Variants in COL9A1 observed in about 807,000 individuals in gnomAD.
COL9A1 encodes collagen type IX alpha 1 chain.
COL9A1 carries 104 observed loss-of-function variants against 142.6 expected under a neutral mutation model. The ratio of observed to expected loss-of-function variants is 0.73; its 90% CI spans 0.62 to 0.86. The LOEUF (loss-of-function observed/expected upper bound fraction) is 0.86. Ranked by LOEUF, COL9A1 falls within the 40% of genes least tolerant of loss-of-function variation. COL9A1 has a pLI of 0.00. For synonymous variants in COL9A1, 466 were observed against 396.0 expected (o/e 1.18, Z -2.10); for missense variants, 1,210 against 1,176.6 (o/e 1.03, Z -0.42).
chr6:70,254,798 C>G, intron 24 of COL9A1, 165 bp downstream of exon 24: 1 of 747,944 alleles, frequency 1.3e-6, no homozygotes, highest in East Asian at 2.7e-5. Flanking sequence ...TTATACTATT[C>G]TAGTAAGTAT....
chr6:70,219,406 A>G (rs1447743615), intron 37 of COL9A1, among the ~76,000 whole-genome samples: 1 of 152,212 alleles, frequency 6.6e-6, no homozygotes, highest in Non-Finnish European at 1.5e-5. Context: ...ATTTGTTTAC[A>G]TATTGTCTGT....
At chr6:70,301,648 C>T (rs1774068395) in intron 2 of COL9A1, among the ~76,000 whole-genome samples, 1 of 152,128 alleles carries the variant, frequency 6.6e-6, no homozygotes, top group African/African-American at 2.4e-5. Context: ...GCTCTTTATA[C>T]TCTCCTCACC....
chr6:70,234,098 G>A (rs1769731590), intron 35 of COL9A1, among the ~76,000 whole-genome samples: 1 of 152,176 alleles, frequency 6.6e-6, no homozygotes, highest in Non-Finnish European at 1.5e-5. Flanking sequence ...ATGTCCTTAT[G>A]CTTCCTATGG....
chr6:70,282,044 G>T (rs1773198267), intron 7 of COL9A1, among the ~76,000 whole-genome samples: 1 of 152,098 alleles, frequency 6.6e-6, no homozygotes, highest in Non-Finnish European at 1.5e-5. Context: ...CTTGAATTAG[G>T]TCTTTGCATC....
intron 15 of COL9A1, among the ~76,000 whole-genome samples, 157 bp downstream of exon 15, chr6:70,270,157 A>T (rs1772300946): frequency 6.6e-6 from 1 of 152,220 alleles, no homozygotes; most frequent in Non-Finnish European, 1.5e-5. Flanking sequence ...TCTTGCCCTA[A>T]ACAGAACCAT....
intron 36 of COL9A1, 34 bp from the exon 37 acceptor site, chr6:70,226,043 A>C (rs1318140045): frequency 3.2e-6 from 5 of 1,546,664 alleles, no homozygotes; most frequent in Non-Finnish European, 4.5e-6. Flanking sequence ...ATTTTTCTAC[A>C]TATCTATAAA....
At chr6:70,251,054 A>G (rs1770904213) in intron 28 of COL9A1, among the ~76,000 whole-genome samples, 1 of 152,226 alleles carries the variant, frequency 6.6e-6, no homozygotes, top group South Asian at 2.1e-4. Flanking sequence ...AGCACTTTTC[A>G]TAACGGCCAA....
At chr6:70,217,208 A>G in intron 37 of COL9A1, 127 bp from the exon 38 acceptor site, 2 of 795,096 alleles carry the variant, frequency 2.5e-6, no homozygotes, top group Non-Finnish European at 4.3e-6. Context: ...ATGGATGATG[A>G]CTGGTGATGA....
In COL9A1 at chr6:70,300,177, T is replaced by C; in HGVS notation, c.167-2A>G. On this transcript the variant is annotated splice_acceptor_variant, in intron 3 of 37. Transcript: ENST00000357250. LOFTEE classifies it high-confidence loss of function. Reference sequence around the variant, plus strand: ...GGAACTGAGAGATCAGATCAAACCCTATAGAATGGGAATACAAAATGAAAA... The same window carrying C: ...GGAACTGAGAGATCAGATCAAACCCCATAGAATGGGAATACAAAATGAAAA... 1 of 1,613,780 alleles carries C rather than the reference T, an allele frequency of 6.2e-7. No homozygotes were observed. The highest frequency in any genetic ancestry group is 8.5e-7 in the Non-Finnish European group (1 of 1,179,880).
At chr6:70,283,882 G>T in intron 5 of COL9A1, 62 bp from the exon 6 acceptor site, 1 of 1,154,484 alleles carries the variant, frequency 8.7e-7, no homozygotes, top group Non-Finnish European at 1.3e-6. Flanking sequence ...GGTCATTCAA[G>T]AGAGAGATGA....
intron 33 of COL9A1, among the ~76,000 whole-genome samples, chr6:70,236,376 C>G: frequency 6.6e-6 from 1 of 152,054 alleles, no homozygotes; most frequent in East Asian, 1.9e-4. Flanking sequence ...TGTTAAATTC[C>G]TCTGGTAAAA....
chr6:70,279,655 A>AAAAAAAAC (rs1289172116), intron 10 of COL9A1: 2 of 165,522 alleles, frequency 1.2e-5, no homozygotes, highest in African/African-American at 4.8e-5. Context: ...TCTCAAAAAA[A>AAAAAAAAC]AAAAAAAAAA....
rs1353564228 is a variant in COL9A1, at chr6:70,253,299, T to C, written c.1764+86A>G. The C allele has an allele frequency of 7.5e-6, 7 of 938,310 alleles. No homozygotes were observed. The Admixed American group carries it at 1.4e-4, about 19-fold the overall frequency. 58.1% of individuals were successfully genotyped at this position (938,310 alleles called of 1,614,324 possible). A position where few individuals can be genotyped will look rare whatever the true frequency, so the allele number is the denominator to read the frequency against. On this transcript the variant is annotated intron_variant, in intron 26 of 37. Transcript: ENST00000357250. Reference sequence around the variant, plus strand: ...AGGGCCAAATATAAAATAAAACACATGCTGAAAATATTAAAAATTACAAAT... The same window carrying C: ...AGGGCCAAATATAAAATAAAACACACGCTGAAAATATTAAAAATTACAAAT...
chr6:70,296,929 A>T (rs1039035264), intron 4 of COL9A1, among the ~76,000 whole-genome samples: 2 of 152,124 alleles, frequency 1.3e-5, no homozygotes, highest in African/African-American at 4.8e-5. Flanking sequence ...TTCCTTAAGC[A>T]TTATTTTTCC....
chr6:70,222,942 G>C (rs547106137), intron 37 of COL9A1: 10 of 152,176 alleles, frequency 6.6e-5, no homozygotes, highest in African/African-American at 2.4e-4. Flanking sequence ...TTATGTTTTT[G>C]AGAGATCAGA....
intron 36 of COL9A1, among the ~76,000 whole-genome samples, chr6:70,229,981 T>A (rs1769450288): frequency 6.6e-6 from 1 of 152,202 alleles, no homozygotes; most frequent in Non-Finnish European, 1.5e-5. Flanking sequence ...AAAACTTGTT[T>A]GTTATTTATG....
chr6:70,222,472 C>T (rs1768940841), intron 37 of COL9A1, among the ~76,000 whole-genome samples: 1 of 152,198 alleles, frequency 6.6e-6, no homozygotes, highest in Non-Finnish European at 1.5e-5. Context: ...ACTTTTTAAA[C>T]AACAAAGCAC....
At chr6:70,265,076 C>A (rs1442029988) in intron 18 of COL9A1, among the ~76,000 whole-genome samples, 2 of 151,996 alleles carry the variant, frequency 1.3e-5, no homozygotes, top group Non-Finnish European at 2.9e-5. Flanking sequence ...TAAAATAAAT[C>A]AAAGAAATTT....
Position 70,263,717 on chromosome 6 carries a change from T to C in COL9A1, c.1342-420A>G, listed in dbSNP as rs150554393. On this transcript the variant is annotated intron_variant, in intron 18 of 37. Coordinates refer to ENST00000357250, the MANE Select transcript of COL9A1 (RefSeq NM_001851.6). Reference sequence around the variant, plus strand: ...TGTAATTATACTATGAAAACTTTTTTGTAAGCTACAATATTTTTCATCGTG... The same window carrying C: ...TGTAATTATACTATGAAAACTTTTTCGTAAGCTACAATATTTTTCATCGTG... 3.1e-3 allele frequency among the ~76,000 whole-genome samples: 471 copies of C among 152,072 alleles called. 1 individual carries two copies. Among genetic ancestry groups the C allele is most frequent in the African/African-American group, 0.011 (437 of 41,548 alleles).
Sources: gnomAD v4.1 joint callset for allele counts (sites outside exome capture counted in the v4.1 genomes callset) on GRCh38, gnomAD v4.1.1 for gene constraint, MANE v1.5 for transcripts, NCBI Gene and HGNC (gene_info 2026-07-23, HGNC 2026-07-21) for gene names.